Variants in ARHGAP25 observed in about 807,000 individuals in gnomAD.
ARHGAP25 encodes Rho GTPase activating protein 25.
In ARHGAP25, 34 loss-of-function variants were observed where a neutral mutation model predicts 71.0. That is an observed-to-expected ratio of 0.48 (90% confidence interval 0.36 to 0.64). ARHGAP25 has a LOEUF of 0.64. Ranked by LOEUF, ARHGAP25 falls within the 30% of genes least tolerant of loss-of-function variation. The pLI is 0.00. For missense variants in ARHGAP25, 706 were observed against 805.1 expected, an observed-to-expected ratio of 0.88 and a Z score of 1.49; for synonymous variants, 282 against 296.5, an observed-to-expected ratio of 0.95 and a Z score of 0.50.
In ARHGAP25 at chr2:68,774,677, G is replaced by T. The variant is rs537122304; in HGVS notation, c.62-544G>T. ...GGTTTGAGTGGGGTCCGCTGGAGGG[G>T]GCCTGCGTTCCACAGCGAGGTTGGA... is the stretch of plus-strand genomic sequence containing the variant. On this transcript the variant is annotated intron_variant, in intron 1 of 10. Transcript: ENST00000409202. 1.7e-5 allele frequency: 16 copies of T among 922,190 alleles called. No homozygotes were observed. The Admixed American group carries it at 5.3e-4, about 31-fold the overall frequency. The allele number at this position is 922,190 out of a possible 1,614,324, so 57.1% of individuals were successfully genotyped here. A position where few individuals can be genotyped will look rare whatever the true frequency, so the allele number is the denominator to read the frequency against.
chr2:68,775,297 G>A lies in ARHGAP25; in HGVS notation c.138G>A (p.Arg46=), dbSNP rs1456913433. The A allele has an allele frequency of 5.6e-6, 9 of 1,614,132 alleles. No homozygotes were observed. In the South Asian group the frequency reaches 7.7e-5, roughly 14 times the overall value. The change falls in exon 2 of 11, where the codon AGG becomes AGA. Residue 46 remains arginine (R), a synonymous_variant. Coordinates refer to ENST00000409202, the MANE Select transcript of ARHGAP25 (RefSeq NM_001007231.3). ...CGTCCACCCCCAACCCGCTGGAGAG[G>A]CCCATCAAGATGGGCTGGCTGAAGA... The part of the protein sequence containing the change: ...HPSSTPNPLE[R]PIKMGWLKKQ...
At chr2:68,775,138 G>A (rs1677785810) in intron 1 of ARHGAP25, 83 bp from the exon 2 acceptor site, 1 of 1,610,154 alleles carries the variant, frequency 6.2e-7, no homozygotes, top group African/African-American at 1.3e-5. Flanking sequence ...AGCCCCCTCT[G>A]GGGTTCCTCT....
At chr2:68,719,214 C>A (rs1674691667) in intron 2 of ARHGAP25, among the ~76,000 whole-genome samples, 1 of 151,858 alleles carries the variant, frequency 6.6e-6, no homozygotes, top group South Asian at 2.1e-4. Flanking sequence ...AATTATCAAC[C>A]CCAAGGAGAG....
chr2:68,726,014 A>G (rs1674874796), intron 2 of ARHGAP25, among the ~76,000 whole-genome samples: 1 of 152,028 alleles, frequency 6.6e-6, no homozygotes, highest in Admixed American at 6.5e-5. Flanking sequence ...CTCTCCCCTC[A>G]ATCTGACATT....
intron 3 of ARHGAP25, 33 bp from the exon 4 acceptor site, chr2:68,787,807 T>G (rs1678862358): frequency 3.2e-6 from 5 of 1,570,178 alleles, no homozygotes; most frequent in Non-Finnish European, 4.4e-6. Flanking sequence ...CTTATCACTC[T>G]AAGACCTTCA....
intron 2 of ARHGAP25, among the ~76,000 whole-genome samples, chr2:68,777,224 C>A (rs1325732442): frequency 1.3e-5 from 2 of 152,092 alleles, no homozygotes; most frequent in African/African-American, 4.8e-5. Context: ...CTTTGGCCAC[C>A]CCAGATCAAT....
intron 1 of ARHGAP25, chr2:68,774,957 G>A (rs1392304872): frequency 1.4e-6 from 2 of 1,417,214 alleles, no homozygotes; most frequent in East Asian, 2.6e-5. Flanking sequence ...GGGGCCCGCC[G>A]CGGTGCCGGA....
At chr2:68,727,200 T>TGCC (rs1674906354) in intron 2 of ARHGAP25, among the ~76,000 whole-genome samples, 1 of 152,130 alleles carries the variant, frequency 6.6e-6, no homozygotes, top group Admixed American at 6.6e-5. Flanking sequence ...CACGTTCAAA[T>TGCC]GCCTGCACGA....
At chr2:68,785,986 T>C (rs1188854749) in intron 3 of ARHGAP25, among the ~76,000 whole-genome samples, 1 of 152,216 alleles carries the variant, frequency 6.6e-6, no homozygotes, top group African/African-American at 2.4e-5. Context: ...TACTTTTTTT[T>C]AGGACAACAG....
At chr2:68,711,888 T>C (rs1024484848) in intron 2 of ARHGAP25, among the ~76,000 whole-genome samples, 1 of 152,238 alleles carries the variant, frequency 6.6e-6, no homozygotes, top group African/African-American at 2.4e-5. Context: ...ATGATATATA[T>C]GTGCCACATT....
At chr2:68,761,439 G>A (rs538699885) in intron 1 of ARHGAP25, among the ~76,000 whole-genome samples, 9 of 150,390 alleles carry the variant, frequency 6.0e-5, no homozygotes, top group Admixed American at 2.0e-4. Flanking sequence ...TACCAACAGA[G>A]TAAAAAATCA....
chr2:68,794,619 T>G (rs960418385), intron 4 of ARHGAP25, among the ~76,000 whole-genome samples: 16 of 152,194 alleles, frequency 1.1e-4, no homozygotes, highest in African/African-American at 3.1e-4. Flanking sequence ...ATATAAAACT[T>G]ATTTGATCAT....
At position 68,767,627 on chromosome 2, in the gene ARHGAP25, C is replaced by A. The variant is rs1468157490; in HGVS notation, c.62-7594C>A. ...CTCTCTCCCTCCCATGCCTCGGCCA[C>A]GTGGGACCTTGCTCAGAATCCCTAG... On this transcript the variant is annotated intron_variant, in intron 1 of 10. Coordinates refer to ENST00000409202, the MANE Select transcript of ARHGAP25 (RefSeq NM_001007231.3). This position sits in a 1 kb window ranked among gnomAD's most constrained non-coding sequence, Gnocchi z 4.6. Among the ~76,000 whole-genome samples, 1 of 152,132 alleles carries A rather than the reference C, an allele frequency of 6.6e-6. No individual in the cohort carries two copies. The highest frequency in any genetic ancestry group is 1.5e-5 in the Non-Finnish European group (1 of 68,032).
At chr2:68,772,093 G>C (rs1677523812) in intron 1 of ARHGAP25, among the ~76,000 whole-genome samples, 3 of 152,236 alleles carry the variant, frequency 2.0e-5, no homozygotes, top group Non-Finnish European at 4.4e-5. Context: ...AACAAAGCAT[G>C]AAAAATTTCA....
At chr2:68,747,954 T>C (rs977637546) in intron 1 of ARHGAP25, among the ~76,000 whole-genome samples, 1 of 152,208 alleles carries the variant, frequency 6.6e-6, no homozygotes, top group Non-Finnish European at 1.5e-5. Flanking sequence ...CTGCCTCCAC[T>C]CTTGTCCTGG....
At chr2:68,726,008 C>G (rs1383188223) in intron 2 of ARHGAP25, among the ~76,000 whole-genome samples, 1 of 152,192 alleles carries the variant, frequency 6.6e-6, no homozygotes, top group Non-Finnish European at 1.5e-5. Flanking sequence ...CCTCCCCTCT[C>G]CCCTCAATCT....
chr2:68,814,827 T>C (rs1681082473), intron 6 of ARHGAP25, among the ~76,000 whole-genome samples: 2 of 152,198 alleles, frequency 1.3e-5, no homozygotes, highest in South Asian at 4.1e-4. Flanking sequence ...GTAGCTCTTT[T>C]CCAAACAAAA....
chr2:68,738,974 C>T (rs901213150), intron 1 of ARHGAP25, among the ~76,000 whole-genome samples: 6 of 152,130 alleles, frequency 3.9e-5, no homozygotes, highest in Admixed American at 3.3e-4. Context: ...CGTAATGTTG[C>T]TGTTGACTTA....
intron 3 of ARHGAP25, among the ~76,000 whole-genome samples, chr2:68,785,026 G>A (rs78916029): frequency 0.035 from 5,399 of 152,242 alleles, 136 homozygotes; most frequent in Admixed American, 0.071. Context: ...TCCAGGAAGT[G>A]GAAATTGCCA....
Sources: allele counts gnomAD v4.1 joint callset (sites outside exome capture counted in the v4.1 genomes callset), GRCh38; gene constraint gnomAD v4.1.1; non-coding constraint Gnocchi (gnomAD v3.1); transcripts MANE v1.5; gene names NCBI Gene and HGNC (gene_info 2026-07-23, HGNC 2026-07-21).